Variants in DSG4 observed in about 807,000 individuals in gnomAD.
The protein encoded by DSG4 is desmoglein-4.
A neutral mutation model predicts 93.1 loss-of-function variants in DSG4; 87 were observed. The ratio of observed to expected loss-of-function variants is 0.93; its 90% CI spans 0.79 to 1.12. The LOEUF is 1.12. Among genes scored for constraint, DSG4 ranks in the 50% most tolerant of loss-of-function variants. The pLI is 0.00. For synonymous variants in DSG4, 432 were observed against 452.9 expected (o/e 0.95, Z 0.59); for missense variants, 1,373 against 1,285.7 (o/e 1.07, Z -1.04).
intron 5 of DSG4, among the ~76,000 whole-genome samples, chr18:31,390,190 T>C (rs1316415009): frequency 6.6e-6 from 1 of 152,158 alleles, no homozygotes; most frequent in Non-Finnish European, 1.5e-5. Flanking sequence ...CCAAGAGTAA[T>C]TATCTGCTTT....
In DSG4 at chr18:31,411,452, A is replaced by T. The variant is rs375036558; in HGVS notation, c.2355+4A>T. 1.2e-6 allele frequency: 2 copies of T among 1,613,232 alleles called. No homozygotes were observed. The highest frequency in any genetic ancestry group is 2.7e-5 in the African/African-American group (2 of 74,898). On this transcript the variant is annotated splice_donor_region_variant and intron_variant, in intron 15 of 15. Coordinates refer to ENST00000308128, the MANE Select transcript of DSG4 (RefSeq NM_177986.5). Reference sequence around the variant, plus strand: ...CTTGGACAGCTACTTCTCGGAGGTAATGCCCTCACAGTCACACATAAAATC... The same window carrying T: ...CTTGGACAGCTACTTCTCGGAGGTATTGCCCTCACAGTCACACATAAAATC...
chr18:31,401,031 T>C lies in DSG4; in HGVS notation c.1417+11T>C. 1 of 1,581,096 alleles carries C rather than the reference T, an allele frequency of 6.3e-7. No individual in the cohort carries two copies. Among genetic ancestry groups the C allele is most frequent in the South Asian group, 1.2e-5 (1 of 85,720 alleles). On this transcript the variant is annotated intron_variant, in intron 10 of 15. Coordinates refer to ENST00000308128, the MANE Select transcript of DSG4 (RefSeq NM_177986.5). ...TCCTGGCTATAGATGGTAAGAAAAT[T>C]TATTTTCAGTATTTTAAGAAAACTA... is the stretch of plus-strand genomic sequence containing the variant.
At chr18:31,389,812 A>AT (rs934909774) in intron 5 of DSG4, among the ~76,000 whole-genome samples, 3 of 151,782 alleles carry the variant, frequency 2.0e-5, no homozygotes, top group East Asian at 1.9e-4. Context: ...TAAACACAAA[A>AT]TTTTTTTTTG....
rs2072218892 is a variant in DSG4 at position 31,388,897 on chromosome 18, A to C, written c.396A>C (p.Ser132=). ...AGATCTATTGCCGGGCTCTGAATTC[A>C]CGGGGTGAAGATTTAGAAAGGCCTC... ...LFLIYCRALN[S]RGEDLERPLE... is the part of the protein sequence containing the mutation. Residue 132 remains serine, a synonymous_variant, in exon 5 of 16, where the codon TCA becomes TCC. Transcript: ENST00000308128. 6.2e-7 allele frequency: 1 copy of C among 1,613,486 alleles called. No individual in the cohort carries two copies. The highest frequency in any genetic ancestry group is 8.5e-7 in the Non-Finnish European group (1 of 1,179,652).
At chr18:31,411,536 G>T in intron 15 of DSG4, 88 bp downstream of exon 15, 1 of 1,443,608 alleles carries the variant, frequency 6.9e-7, no homozygotes, top group Non-Finnish European at 9.6e-7. Context: ...GGCCTCTTCG[G>T]AAATATGCTG....
At chr18:31,378,667 G>A (rs1032616993) in intron 1 of DSG4, among the ~76,000 whole-genome samples, 13 of 151,892 alleles carry the variant, frequency 8.6e-5, no homozygotes, top group Non-Finnish European at 1.5e-4. Flanking sequence ...GACATTTCAC[G>A]GTAATTGTGA....
rs1568064065 is a variant in DSG4 at position 31,390,697 on chromosome 18, GA to G, written c.563del (p.Asn188IlefsTer3). 1 of 1,613,570 alleles carries G rather than the reference GA, an allele frequency of 6.2e-7. No homozygotes were observed. Among genetic ancestry groups the G allele is most frequent in the African/African-American group, 1.3e-5 (1 of 74,882 alleles). On this transcript the variant is annotated frameshift_variant, in exon 6 of 16. Transcript: ENST00000308128. LOFTEE classifies it high-confidence loss of function. ...VKLCATDADE[E>X]NHLNSKIAYK... ...GTTATGTGCCACAGATGCAGATGAA[GA>G]AAATCATCTGAATTCTAAAATTGCC...
chr18:31,397,774 C>A (rs1427575828), intron 8 of DSG4, among the ~76,000 whole-genome samples: 3 of 152,078 alleles, frequency 2.0e-5, no homozygotes, highest in African/African-American at 7.2e-5. Context: ...TGCCTGTAAT[C>A]CCAGCTCTTT....
chr18:31,396,332 T>G (rs1265544210), intron 8 of DSG4, among the ~76,000 whole-genome samples: 1 of 147,358 alleles, frequency 6.8e-6, no homozygotes, highest in Non-Finnish European at 1.5e-5. Context: ...CTCACAACTC[T>G]CGGAAGAAAA....
intron 7 of DSG4, among the ~76,000 whole-genome samples, chr18:31,391,460 C>G (rs1177926099): frequency 6.6e-6 from 1 of 152,270 alleles, no homozygotes; most frequent in East Asian, 1.9e-4. Context: ...TCTGTATACT[C>G]TATTCACAGA....
intron 2 of DSG4, among the ~76,000 whole-genome samples, chr18:31,385,978 T>C (rs1395855561): frequency 1.3e-5 from 2 of 152,164 alleles, no homozygotes; most frequent in Non-Finnish European, 2.9e-5. Context: ...TGTAGTGACA[T>C]TTCTAATCTC....
chr18:31,410,332 T>C (rs187353783), intron 14 of DSG4, among the ~76,000 whole-genome samples: 330 of 151,056 alleles, frequency 2.2e-3, no homozygotes, highest in African/African-American at 7.3e-3. Context: ...ATAATACATA[T>C]TACATATGTA....
At chr18:31,380,402 C>T (rs1441111073) in intron 1 of DSG4, among the ~76,000 whole-genome samples, 1 of 152,192 alleles carries the variant, frequency 6.6e-6, no homozygotes, top group Non-Finnish European at 1.5e-5. Flanking sequence ...AGTAATGTTT[C>T]CTTCCCTTCC....
intron 1 of DSG4, among the ~76,000 whole-genome samples, chr18:31,383,922 C>T (rs2072161425): frequency 6.6e-6 from 1 of 151,966 alleles, no homozygotes; most frequent in Non-Finnish European, 1.5e-5. Context: ...TAAAAGAGGA[C>T]CTAAAGGAGT....
intron 11 of DSG4, among the ~76,000 whole-genome samples, chr18:31,404,957 A>C (rs2072408466): frequency 6.6e-6 from 1 of 152,222 alleles, no homozygotes; most frequent in Admixed American, 6.5e-5. Flanking sequence ...ACCACACTGG[A>C]GATGATATTC....
At chr18:31,404,393 A>C (rs2072402293) in intron 11 of DSG4, among the ~76,000 whole-genome samples, 1 of 152,248 alleles carries the variant, frequency 6.6e-6, no homozygotes, top group Non-Finnish European at 1.5e-5. Context: ...ATAACATTTT[A>C]TCTACCTTGC....
At position 31,391,196 on chromosome 18, in the gene DSG4, C is replaced by A. The variant is rs2072245408; in HGVS notation, c.803C>A (p.Thr268Asn). ...TTAGACGTCAACGATAATTTCCCCACCTTAGAGAAAACTTCAGTAAGTTTG... is the reference window on the plus strand; with the variant it reads ...TTAGACGTCAACGATAATTTCCCCAACTTAGAGAAAACTTCAGTAAGTTTG... ...KVLDVNDNFP[T>N]LEKTSYSASI... is the part of the protein sequence containing the mutation. The change falls in exon 7 of 16, where the codon ACC becomes AAC. Residue 268 changes from threonine (T) to asparagine (N), a missense_variant. Coordinates refer to ENST00000308128, the MANE Select transcript of DSG4 (RefSeq NM_177986.5). 2.5e-6 allele frequency: 4 copies of A among 1,613,550 alleles called. No homozygotes were observed. The East Asian group carries it at 8.9e-5, about 36-fold the overall frequency.
chr18:31,411,160 C>G (rs955503452), intron 14 of DSG4, 71 bp from the exon 15 acceptor site: 19 of 1,613,980 alleles, frequency 1.2e-5, no homozygotes, highest in Non-Finnish European at 1.6e-5. Context: ...CAGACGGCGG[C>G]GGCAGCGTTT....
intron 14 of DSG4, 166 bp from the exon 15 acceptor site, chr18:31,411,065 C>G: frequency 6.6e-7 from 1 of 1,525,168 alleles, no homozygotes; most frequent in Non-Finnish European, 8.8e-7. Context: ...ATTTGGTCAA[C>G]AAGCCTGGAG....
Sources: gnomAD v4.1 joint callset for allele counts (sites outside exome capture counted in the v4.1 genomes callset) on GRCh38, gnomAD v4.1.1 for gene constraint, MANE v1.5 for transcripts, NCBI Gene and HGNC (gene_info 2026-07-23, HGNC 2026-07-21) for gene names.